Variants in ZNF583 observed in about 807,000 individuals in gnomAD.
ZNF583 encodes zinc finger protein L3-5.
Under a neutral mutation model 55.3 loss-of-function variants are expected in ZNF583, and 30 were observed. That is an observed-to-expected ratio of 0.54 (90% confidence interval 0.41 to 0.74). The LOEUF (loss-of-function observed/expected upper bound fraction) is 0.74, where lower values mean the gene tolerates loss of function less well. Among genes scored for constraint, ZNF583 ranks in the 30% least tolerant of loss-of-function variants. The pLI, the probability that ZNF583 is intolerant of heterozygous loss-of-function variation, is 0.00. For missense variants in ZNF583, 504 were observed against 664.7 expected, an observed-to-expected ratio of 0.76 and a Z score of 2.66; for synonymous variants, 208 against 220.0, an observed-to-expected ratio of 0.95 and a Z score of 0.48.
intron 4 of ZNF583, among the ~76,000 whole-genome samples, chr19:56,415,581 T>C (rs2042308068): frequency 6.6e-6 from 1 of 152,160 alleles, no homozygotes; most frequent in Admixed American, 6.5e-5. Flanking sequence ...TTGGTTAATA[T>C]ATATATATTT....
chr19:56,419,288 C>T (rs962120662), intron 4 of ZNF583, among the ~76,000 whole-genome samples: 11 of 151,394 alleles, frequency 7.3e-5, no homozygotes, highest in South Asian at 2.1e-4. Flanking sequence ...CTCCACCTCC[C>T]GGGTTCAAGC....
intron 4 of ZNF583, among the ~76,000 whole-genome samples, chr19:56,420,223 G>C (rs975094012): frequency 2.0e-5 from 3 of 152,064 alleles, no homozygotes; most frequent in Non-Finnish European, 2.9e-5. Context: ...CAGATGTTTG[G>C]AGTTGACTAG....
At chr19:56,412,514 A>G (rs999294445) in intron 2 of ZNF583, among the ~76,000 whole-genome samples, 2 of 152,204 alleles carry the variant, frequency 1.3e-5, no homozygotes, top group African/African-American at 4.8e-5. Flanking sequence ...AGAGCTGTAG[A>G]TATTTTTTGA....
chr19:56,423,651 G>T lies in ZNF583; in HGVS notation c.993G>T (p.Lys331Asn). ...ERPFECIECG[K>N]AFSNGSFLAQ... The stretch of plus-strand genomic sequence containing the variant: ...CTTTCGAATGTATTGAATGTGGAAA[G>T]GCCTTTAGTAATGGTTCATTTCTTG... Residue 331 changes from lysine (K) to asparagine (N), a missense_variant, in exon 5 of 5, where the codon AAG (lysine) becomes AAT (asparagine). By Grantham distance (94) the Lys-to-Asn change is moderately conservative (BLOSUM62 0). Around this residue, in one of 3 missense-constraint regions of ZNF583, gnomAD observed 237 missense variants for 373.0 expected, o/e 0.64. Coordinates refer to ENST00000333201, the MANE Select transcript of ZNF583 (RefSeq NM_152478.3). The T allele has an allele frequency of 6.2e-7, 1 of 1,613,212 alleles. No homozygotes were observed. Among genetic ancestry groups the T allele is most frequent in the Non-Finnish European group, 8.5e-7 (1 of 1,179,808 alleles).
chr19:56,423,084 A>T lies in ZNF583; in HGVS notation c.426A>T (p.Leu142Phe). 1 of 1,613,056 alleles carries T rather than the reference A, an allele frequency of 6.2e-7. No homozygotes were observed. The highest frequency in any genetic ancestry group is 8.5e-7 in the Non-Finnish European group (1 of 1,179,686). ...LGSQEVHLSQ[L>F]IITHKEILPE... is the part of the protein sequence containing the mutation. ...GTCAAGAGGTACATCTTAGTCAATT[A>T]ATCATCACTCATAAAGAAATCCTTC... Residue 142 changes from leucine to phenylalanine, a missense_variant, in exon 5 of 5, where the codon TTA becomes TTT. This residue lies in a region of ZNF583 where 204 missense variants were observed against 235.2 expected (regional missense o/e 0.87). Coordinates refer to ENST00000333201, the MANE Select transcript of ZNF583 (RefSeq NM_152478.3).
rs1345645790 is a variant in ZNF583 at position 56,407,130 on chromosome 19, A to T, written c.9+7A>T. The T allele has an allele frequency of 1.9e-6, 3 of 1,613,944 alleles. No individual in the cohort carries two copies. The highest frequency in any genetic ancestry group is 2.5e-6 in the Non-Finnish European group (3 of 1,180,006). On this transcript the variant is annotated splice_region_variant and intron_variant, in intron 2 of 4. Transcript: ENST00000333201. ...CCTTAAAGCCATGTCCAAGGTAAGG[A>T]AGCATTTCTTCTCTCTTCCCTAAAA...
chr19:56,426,196 A>C lies in ZNF583; in HGVS notation c.*1828A>C, dbSNP rs2042491286. 1 of 152,228 alleles carries C rather than the reference A, an allele frequency of 6.6e-6. No individual in the cohort carries two copies. The highest frequency in any genetic ancestry group is 2.1e-4 in the South Asian group (1 of 4,830). The allele number at this position is 152,228 out of a possible 1,614,324, so 9.4% of individuals were successfully genotyped here. A position where few individuals can be genotyped will look rare whatever the true frequency, so the allele number is the denominator to read the frequency against. Reference sequence around the variant, plus strand: ...TATTCATGCTGTTACACATATAAAGAAAATTATAACAAAAGTGACCTATAC... The same window carrying C: ...TATTCATGCTGTTACACATATAAAGCAAATTATAACAAAAGTGACCTATAC... On this transcript the variant is annotated 3_prime_UTR_variant, in exon 5 of 5. Transcript: ENST00000333201.
At chr19:56,421,057 A>G (rs186663840) in intron 4 of ZNF583, among the ~76,000 whole-genome samples, 1 of 152,210 alleles carries the variant, frequency 6.6e-6, no homozygotes, top group South Asian at 2.1e-4. Flanking sequence ...AGTGGGTGCT[A>G]TAGTGCAATG....
At chr19:56,414,126 C>A in intron 3 of ZNF583, 41 bp downstream of exon 3, 2 of 1,556,122 alleles carry the variant, frequency 1.3e-6, no homozygotes, top group Non-Finnish European at 1.7e-6. Flanking sequence ...GTACATGGGA[C>A]TGAGCTCCAA....
At position 56,404,369 on chromosome 19, in the gene ZNF583, G is replaced by C. The variant is rs1251325477; in HGVS notation, c.-173G>C. On this transcript the variant is annotated 5_prime_UTR_variant, in exon 1 of 5. Transcript: ENST00000333201. The surrounding 1 kb of genome is among the most constrained non-coding windows in gnomAD (Gnocchi z 5.2). ...CCTTTGTGAGCGCGGCCGCCGGCCA[G>C]GATCGAGCCCTGGCCCGGGCCCTGG... The C allele has an allele frequency of 6.6e-6, 1 of 152,376 alleles. No homozygotes were observed. Among genetic ancestry groups the C allele is most frequent in the Non-Finnish European group, 1.5e-5 (1 of 68,190 alleles). The allele number at this position is 152,376 out of a possible 1,614,324, so 9.4% of individuals were successfully genotyped here.
chr19:56,410,906 A>T (rs2042228622), intron 2 of ZNF583, among the ~76,000 whole-genome samples: 1 of 152,130 alleles, frequency 6.6e-6, no homozygotes, highest in Non-Finnish European at 1.5e-5. Flanking sequence ...ACTATAAATT[A>T]TAATTGCTTT....
intron 2 of ZNF583, among the ~76,000 whole-genome samples, chr19:56,411,324 GA>G (rs1403251765): frequency 6.6e-6 from 1 of 152,052 alleles, no homozygotes; most frequent in Non-Finnish European, 1.5e-5. Context: ...GGAGTGGGGG[GA>G]AATCACTGAG....
chr19:56,423,723 T>C lies in ZNF583; in HGVS notation c.1065T>C (p.Asn355=), dbSNP rs2042457807. ...CAGGAGAGAAACCTTATGTGTGTAA[T>C]GTGTGTGGGAAAGCCTTTAGCCATC... The part of the protein sequence containing the change: ...IHTGEKPYVC[N]VCGKAFSHRG... The change falls in exon 5 of 5, where the codon AAT becomes AAC. Residue 355 remains asparagine (N), a synonymous_variant. Coordinates refer to ENST00000333201, the MANE Select transcript of ZNF583 (RefSeq NM_152478.3). The C allele has an allele frequency of 6.2e-7, 1 of 1,613,672 alleles. No homozygotes were observed. Among genetic ancestry groups the C allele is most frequent in the African/African-American group, 1.3e-5 (1 of 74,848 alleles).
chr19:56,423,652 G>T lies in ZNF583; in HGVS notation c.994G>T (p.Ala332Ser). 2 of 1,614,008 alleles carry T rather than the reference G, an allele frequency of 1.2e-6. No individual in the cohort carries two copies. The highest frequency in any genetic ancestry group is 1.1e-5 in the South Asian group (1 of 91,080). Reference protein sequence around the residue: ...RPFECIECGKAFSNGSFLAQH... With the variant: ...RPFECIECGKSFSNGSFLAQH... ...TTTCGAATGTATTGAATGTGGAAAGGCCTTTAGTAATGGTTCATTTCTTGC... is the reference window on the plus strand; with the variant it reads ...TTTCGAATGTATTGAATGTGGAAAGTCCTTTAGTAATGGTTCATTTCTTGC... Residue 332 changes from alanine to serine, a missense_variant, in exon 5 of 5, where the codon GCC becomes TCC. Ala to Ser is a moderately conservative substitution (Grantham distance 99, BLOSUM62 1). Around this residue, in one of 3 missense-constraint regions of ZNF583, gnomAD observed 237 missense variants for 373.0 expected, o/e 0.64. Transcript: ENST00000333201.
In ZNF583 at chr19:56,424,454, G is replaced by C. The variant is rs142667262; in HGVS notation, c.*86G>C. Reference sequence around the variant, plus strand: ...TTAATATATTTGACATGGGATACTCGAGTAGCTTTCTAATTGGTCTCCTTG... The same window carrying C: ...TTAATATATTTGACATGGGATACTCCAGTAGCTTTCTAATTGGTCTCCTTG... On this transcript the variant is annotated 3_prime_UTR_variant, in exon 5 of 5. Transcript: ENST00000333201. 1.5e-6 allele frequency: 1 copy of C among 651,234 alleles called. No individual in the cohort carries two copies. The highest frequency in any genetic ancestry group is 2.7e-6 in the Non-Finnish European group (1 of 373,038). The allele number at this position is 651,234 out of a possible 1,614,324, so 40.3% of individuals were successfully genotyped here. A position where few individuals can be genotyped will look rare whatever the true frequency, so the allele number is the denominator to read the frequency against.
chr19:56,414,585 T>C lies in ZNF583; in HGVS notation c.232+145T>C, dbSNP rs79278592. The C allele has an allele frequency of 5.6e-4, 361 of 647,112 alleles. 5 individuals are homozygous for C. The East Asian group carries it at 9.6e-3, about 17-fold the overall frequency. 40.1% of individuals were successfully genotyped at this position (647,112 alleles called of 1,614,324 possible). On this transcript the variant is annotated intron_variant, in intron 4 of 4. Transcript: ENST00000333201. ...GGAAGAAATATTGAGGCATCTTTAG[T>C]ATGAGCTCCTCAATTTGTTCTCTCT...
Position 56,426,484 on chromosome 19 carries a change from T to C in ZNF583, c.*2116T>C, listed in dbSNP as rs2042493049. 5 of 152,166 alleles carry C rather than the reference T, an allele frequency of 3.3e-5. No homozygotes were observed. Among genetic ancestry groups the C allele is most frequent in the Non-Finnish European group, 2.9e-5 (2 of 68,016 alleles). The allele number at this position is 152,166 out of a possible 1,614,324, so 9.4% of individuals were successfully genotyped here. On this transcript the variant is annotated 3_prime_UTR_variant, in exon 5 of 5. Coordinates refer to ENST00000333201, the MANE Select transcript of ZNF583 (RefSeq NM_152478.3). Reference sequence around the variant, plus strand: ...TTATATGATCAAAGATAGTAAAAGATACAATATTTTTTAAACCTAAGAATG... The same window carrying C: ...TTATATGATCAAAGATAGTAAAAGACACAATATTTTTTAAACCTAAGAATG...
rs1293637008 is a variant in ZNF583, at chr19:56,423,744, C to G, written c.1086C>G (p.Ser362Arg). 6.2e-7 allele frequency: 1 copy of G among 1,613,454 alleles called. No individual in the cohort carries two copies. The highest frequency in any genetic ancestry group is 8.5e-7 in the Non-Finnish European group (1 of 1,179,914). ...YVCNVCGKAF[S>R]HRGYLIVHQR... The stretch of plus-strand genomic sequence containing the variant: ...GTAATGTGTGTGGGAAAGCCTTTAG[C>G]CATCGTGGATACCTAATTGTACATC... The change falls in exon 5 of 5, where the codon AGC becomes AGG. Residue 362 changes from serine (S) to arginine (R), a missense_variant. Ser to Arg is a moderately radical substitution (Grantham distance 110). This residue lies in a region of ZNF583 where 237 missense variants were observed against 373.0 expected (regional missense o/e 0.64). Transcript: ENST00000333201.
At chr19:56,406,329 G>A (rs181086602) in intron 1 of ZNF583, among the ~76,000 whole-genome samples, 74 of 152,198 alleles carry the variant, frequency 4.9e-4, no homozygotes, top group African/African-American at 1.7e-3. Flanking sequence ...TCATGATCGG[G>A]TGGAAAGAAT....
Sources: gnomAD v4.1 joint callset for allele counts (sites outside exome capture counted in the v4.1 genomes callset) on GRCh38, gnomAD v4.1.1 for gene constraint, gnomAD v4.1.1 regional missense constraint, Gnocchi (gnomAD v3.1) non-coding constraint, MANE v1.5 for transcripts, NCBI Gene and HGNC (gene_info 2026-07-23, HGNC 2026-07-21) for gene names.